Variants in CCDC73 observed in about 807,000 individuals in gnomAD.
CCDC73 encodes coiled-coil domain-containing protein 73.
Under a neutral mutation model 116.5 loss-of-function variants are expected in CCDC73, and 95 were observed. The observed-to-expected ratio is 0.82, with a 90% CI of 0.69 to 0.97. CCDC73 has a LOEUF of 0.97. CCDC73 is among the 50% of genes least tolerant of loss of function. CCDC73 has a pLI of 0.00. For missense variants in CCDC73, 1,066 were observed against 1,206.8 expected (o/e 0.88, Z 1.73); for synonymous variants, 398 against 401.3 (o/e 0.99, Z 0.10).
Position 32,721,080 on chromosome 11 carries a change from A to G in CCDC73, c.136-2933T>C, listed in dbSNP as rs190094040. ...GTCACCCAGATCCAGCCTGGAGTGCAGTGGTGCAATTTTGGCTCACTGCAA... is the reference window on the plus strand; with the variant it reads ...GTCACCCAGATCCAGCCTGGAGTGCGGTGGTGCAATTTTGGCTCACTGCAA... On this transcript the variant is annotated intron_variant, in intron 2 of 17. Coordinates refer to ENST00000335185, the MANE Select transcript of CCDC73 (RefSeq NM_001008391.4). Among the ~76,000 whole-genome samples the G allele has an allele frequency of 2.0e-5, 3 of 152,290 alleles. No homozygotes were observed. In the East Asian group the frequency reaches 5.8e-4, roughly 29 times the overall value.
intron 6 of CCDC73, among the ~76,000 whole-genome samples, chr11:32,694,406 G>GA (rs375710559): frequency 2.5e-4 from 38 of 152,058 alleles, no homozygotes; most frequent in African/African-American, 7.2e-4. Flanking sequence ...ACTGTTCAAC[G>GA]AAATAAAAGA....
At chr11:32,612,030 C>T (rs940603838) in intron 16 of CCDC73, among the ~76,000 whole-genome samples, 1 of 152,144 alleles carries the variant, frequency 6.6e-6, no homozygotes. Flanking sequence ...TGAGGTTATA[C>T]AGTGTTTTGG....
rs1439465962 is a variant in CCDC73, at chr11:32,637,694, GTTCT to G, written c.1051-1868_1051-1865del. Among the ~76,000 whole-genome samples, 3 of 151,698 alleles carry G rather than the reference GTTCT, an allele frequency of 2.0e-5. No homozygotes were observed. In the East Asian group the frequency reaches 5.8e-4, roughly 29 times the overall value. On this transcript the variant is annotated intron_variant, in intron 13 of 17. Transcript: ENST00000335185. ...TCACAAAATATTGGCTTTTCCCAAGGTTCTTTCTTCTTTTTTCTTGCTTCCTGGG... is the reference window on the plus strand; with the variant it reads ...TCACAAAATATTGGCTTTTCCCAAGGTTCTTCTTTTTTCTTGCTTCCTGGG...
At chr11:32,723,774 A>AG (rs1262376332) in intron 2 of CCDC73, among the ~76,000 whole-genome samples, 1 of 152,176 alleles carries the variant, frequency 6.6e-6, no homozygotes, top group African/African-American at 2.4e-5. Flanking sequence ...TCTAATAAAA[A>AG]ATAAACACTT....
intron 2 of CCDC73, among the ~76,000 whole-genome samples, chr11:32,726,997 C>T (rs1850034725): frequency 1.3e-5 from 2 of 152,138 alleles, no homozygotes; most frequent in Non-Finnish European, 2.9e-5. Context: ...TGCATTTAGT[C>T]ATCATGTCTC....
At chr11:32,641,010 TG>T (rs1855728053) in intron 13 of CCDC73, among the ~76,000 whole-genome samples, 1 of 130,772 alleles carries the variant, frequency 7.6e-6, no homozygotes, top group Admixed American at 7.6e-5. Flanking sequence ...AGTGAGACTC[TG>T]TCCCCCACCA....
chr11:32,824,424 T>C, the CCDC73 span, among the ~76,000 whole-genome samples: 6 of 152,164 alleles, frequency 3.9e-5, no homozygotes, highest in African/African-American at 1.4e-4. Context: ...ATTACTTAAA[T>C]AGAATTTTAG....
chr11:32,826,645 T>TC, the CCDC73 span, among the ~76,000 whole-genome samples: 1 of 73,200 alleles, frequency 1.4e-5, no homozygotes, highest in African/African-American at 6.0e-5. Flanking sequence ...TGATAATAAC[T>TC]CAAAAAAAAA....
chr11:32,652,155 C>G (rs1855831161), intron 12 of CCDC73, among the ~76,000 whole-genome samples: 1 of 151,884 alleles, frequency 6.6e-6, no homozygotes, highest in Non-Finnish European at 1.5e-5. Context: ...AAACATATGC[C>G]TAGCTGGCTG....
chr11:32,818,995 G>T, the CCDC73 span, among the ~76,000 whole-genome samples: 1 of 152,110 alleles, frequency 6.6e-6, no homozygotes, highest in Non-Finnish European at 1.5e-5. Flanking sequence ...AGCGGTGTTG[G>T]TTGCACAACA....
intron 6 of CCDC73, among the ~76,000 whole-genome samples, chr11:32,687,668 G>C (rs1856214374): frequency 6.6e-6 from 1 of 152,152 alleles, no homozygotes; most frequent in African/African-American, 2.4e-5. Context: ...ATGTGTATAT[G>C]TATGTAAATA....
chr11:32,638,730 G>A (rs1196947785), intron 13 of CCDC73, among the ~76,000 whole-genome samples: 1 of 151,894 alleles, frequency 6.6e-6, no homozygotes, highest in Non-Finnish European at 1.5e-5. Context: ...GCCCACCTCA[G>A]CCTCCCAAAG....
chr11:32,776,989 G>A (rs11031976), intron 1 of CCDC73, among the ~76,000 whole-genome samples: 1,210 of 100,854 alleles, frequency 0.012, 8 homozygotes, highest in East Asian at 0.031. Flanking sequence ...ATATACACAT[G>A]TATATATATA....
intron 2 of CCDC73, among the ~76,000 whole-genome samples, chr11:32,752,810 CT>C (rs962827862): frequency 2.0e-5 from 3 of 151,238 alleles, no homozygotes; most frequent in Admixed American, 6.6e-5. Context: ...CTCTGCATCA[CT>C]TTTTTTTTAA....
chr11:32,618,507 TTCTCTGCAGCCTCG>T (rs534448614), intron 14 of CCDC73, among the ~76,000 whole-genome samples: 173 of 152,302 alleles, frequency 1.1e-3, no homozygotes, highest in African/African-American at 4.0e-3. Flanking sequence ...GTTTTCCCTT[TTCTCTGCAGCCTCG>T]TTGGCATCTG....
At chr11:32,793,441 T>C (rs1294570362) in intron 1 of CCDC73, among the ~76,000 whole-genome samples, 4 of 152,086 alleles carry the variant, frequency 2.6e-5, no homozygotes, top group Non-Finnish European at 5.9e-5. Context: ...CCAATAATCA[T>C]CAATTCGAGG....
rs942263723 is a variant in CCDC73, at chr11:32,613,756, T to A, written c.2562A>T (p.Ser854=). Residue 854 remains serine, a synonymous_variant, in exon 16 of 18, where the codon TCA becomes TCT. Coordinates refer to ENST00000335185, the MANE Select transcript of CCDC73 (RefSeq NM_001008391.4). Reference sequence around the variant, plus strand: ...GCTGTCCTTCACTGAACATTTTTCCTGAAACAATGTCATTTAATGATTCTG... The same window carrying A: ...GCTGTCCTTCACTGAACATTTTTCCAGAAACAATGTCATTTAATGATTCTG... ...EKTESLNDIV[S]GKMFSEGQLE... 3 of 1,613,930 alleles carry A rather than the reference T, an allele frequency of 1.9e-6. No homozygotes were observed. Among genetic ancestry groups the A allele is most frequent in the Non-Finnish European group, 2.5e-6 (3 of 1,179,846 alleles).
At chr11:32,639,021 G>A (rs560671637) in intron 13 of CCDC73, among the ~76,000 whole-genome samples, 54 of 151,448 alleles carry the variant, frequency 3.6e-4, no homozygotes, top group African/African-American at 1.2e-3. Flanking sequence ...GGTGGCCTGC[G>A]CCTGTAGTCC....
intron 9 of CCDC73, among the ~76,000 whole-genome samples, chr11:32,672,885 A>G (rs1197659321): frequency 6.6e-6 from 1 of 152,186 alleles, no homozygotes; most frequent in Non-Finnish European, 1.5e-5. Flanking sequence ...CTATGCTTTT[A>G]CTTTCTGATC....
Sources: gnomAD v4.1 joint callset for allele counts (sites outside exome capture counted in the v4.1 genomes callset) on GRCh38, gnomAD v4.1.1 for gene constraint, MANE v1.5 for transcripts, NCBI Gene and HGNC (gene_info 2026-07-23, HGNC 2026-07-21) for gene names.